NELL1: variants seen among roughly 807,000 people sequenced by gnomAD.
The protein encoded by NELL1 is neural EGFL like 1, also known as protein kinase C-binding protein NELL1.
Under a neutral mutation model 107.4 loss-of-function variants are expected in NELL1, and 76 were observed. That is an observed-to-expected ratio of 0.71 (90% confidence interval 0.59 to 0.86). NELL1 has a LOEUF of 0.86. Among genes scored for constraint, NELL1 ranks in the 40% least tolerant of loss-of-function variants. NELL1 has a pLI of 0.00. For synonymous variants in NELL1, 353 were observed against 341.2 expected, an observed-to-expected ratio of 1.03 and a Z score of -0.38; for missense variants, 1,024 against 1,005.5, an observed-to-expected ratio of 1.02 and a Z score of -0.25.
At chr11:21,483,487 T>G (rs1854543015) in intron 15 of NELL1, among the ~76,000 whole-genome samples, 1 of 152,162 alleles carries the variant, frequency 6.6e-6, no homozygotes, top group Admixed American at 6.6e-5. Flanking sequence ...CCAATGATTT[T>G]AATATTGTCA....
chr11:21,080,706 A>T (rs970860328), intron 12 of NELL1, among the ~76,000 whole-genome samples: 3 of 152,124 alleles, frequency 2.0e-5, no homozygotes, highest in African/African-American at 7.2e-5. Context: ...ATAATCTTGT[A>T]AGTGGATTAC....
intron 18 of NELL1, 37 bp from the exon 19 acceptor site, chr11:21,573,148 G>T: frequency 6.6e-7 from 1 of 1,515,902 alleles, no homozygotes; most frequent in South Asian, 1.1e-5. Context: ...TTATGCATAG[G>T]AACAATAATG....
At chr11:21,454,377 C>A (rs998275395) in intron 15 of NELL1, among the ~76,000 whole-genome samples, 1 of 151,546 alleles carries the variant, frequency 6.6e-6, no homozygotes, top group Non-Finnish European at 1.5e-5. Context: ...TGAATAATGC[C>A]GCAATAAACA....
chr11:21,300,773 C>T (rs1305134186), intron 14 of NELL1, among the ~76,000 whole-genome samples: 1 of 151,986 alleles, frequency 6.6e-6, no homozygotes, highest in African/African-American at 2.4e-5. Flanking sequence ...AATTATTATA[C>T]TTTAAGCTCT....
intron 13 of NELL1, among the ~76,000 whole-genome samples, chr11:21,185,424 A>G (rs1856914714): frequency 6.7e-6 from 1 of 150,200 alleles, no homozygotes; most frequent in Non-Finnish European, 1.5e-5. Flanking sequence ...CCTCTCGAAT[A>G]GCTGGGATTA....
intron 14 of NELL1, among the ~76,000 whole-genome samples, chr11:21,338,910 T>G (rs1225536245): frequency 2.6e-5 from 4 of 152,194 alleles, no homozygotes; most frequent in Admixed American, 2.0e-4. Context: ...TGTATTTGGT[T>G]CTATGCATTT....
At chr11:20,905,657 G>A (rs1482187240) in intron 5 of NELL1, among the ~76,000 whole-genome samples, 2 of 152,098 alleles carry the variant, frequency 1.3e-5, no homozygotes, top group Non-Finnish European at 2.9e-5. Context: ...TTACTAGAGG[G>A]ATGCAAGAGA....
At chr11:21,076,001 A>G (rs1854126419) in intron 12 of NELL1, among the ~76,000 whole-genome samples, 3 of 152,196 alleles carry the variant, frequency 2.0e-5, no homozygotes, top group Admixed American at 1.3e-4. Context: ...ATTTTTATAA[A>G]CACATACAAA....
chr11:20,857,081 A>G (rs1848895281), intron 4 of NELL1, among the ~76,000 whole-genome samples: 2 of 152,200 alleles, frequency 1.3e-5, no homozygotes. Context: ...TGTAAAAGGT[A>G]TAACTGCCCT....
intron 3 of NELL1, among the ~76,000 whole-genome samples, chr11:20,817,428 G>A (rs975523820): frequency 6.6e-6 from 1 of 152,084 alleles, no homozygotes; most frequent in African/African-American, 2.4e-5. Context: ...TGTGCATAAA[G>A]GTGTTCATAA....
In NELL1 at chr11:21,180,112, G is replaced by A. The variant is rs188879827; in HGVS notation, c.1427-49220G>A. On this transcript the variant is annotated intron_variant, in intron 13 of 19. Coordinates refer to ENST00000357134, the MANE Select transcript of NELL1 (RefSeq NM_006157.5). ...CTCTGGATTTGCCCCCCATGCCATA[G>A]TTTGCAGACAAATTATTTAGGAGAC... is the stretch of plus-strand genomic sequence containing the variant. Among the ~76,000 whole-genome samples, 1,289 of 151,680 alleles carry A rather than the reference G, an allele frequency of 8.5e-3. 53 individuals are homozygous for A. The highest frequency in any genetic ancestry group is 0.03 in the African/African-American group (1,220 of 41,058).
chr11:20,973,561 G>C (rs1851544590), intron 12 of NELL1, among the ~76,000 whole-genome samples: 1 of 152,220 alleles, frequency 6.6e-6, no homozygotes, highest in Admixed American at 6.5e-5. Context: ...AGAAGAATGT[G>C]ATTCCATGGA....
At chr11:20,896,353 G>A (rs1217465938) in intron 5 of NELL1, among the ~76,000 whole-genome samples, 1 of 152,080 alleles carries the variant, frequency 6.6e-6, no homozygotes, top group East Asian at 1.9e-4. Context: ...ATATATACAT[G>A]CCACAATTTC....
At chr11:20,908,029 G>A (rs777187151) in intron 5 of NELL1, among the ~76,000 whole-genome samples, 1 of 152,196 alleles carries the variant, frequency 6.6e-6, no homozygotes, top group South Asian at 2.1e-4. Context: ...TCAGAATGGC[G>A]ATTATTAAAA....
chr11:21,206,452 G>A (rs539278816), intron 13 of NELL1, among the ~76,000 whole-genome samples: 1 of 152,156 alleles, frequency 6.6e-6, no homozygotes, highest in Non-Finnish European at 1.5e-5. Flanking sequence ...GGTTCTTGGT[G>A]TATACAAATT....
intron 5 of NELL1, among the ~76,000 whole-genome samples, chr11:20,908,028 C>T (rs1195530252): frequency 2.0e-5 from 3 of 151,936 alleles, no homozygotes; most frequent in Non-Finnish European, 4.4e-5. Context: ...GTCAGAATGG[C>T]GATTATTAAA....
intron 12 of NELL1, among the ~76,000 whole-genome samples, chr11:21,099,192 A>AACACACACAC (rs59848133): frequency 2.2e-4 from 31 of 141,862 alleles, no homozygotes; most frequent in African/African-American, 7.1e-4. Context: ...GACACTGAAC[A>AACACACACAC]ACACACACAC....
At chr11:21,557,677 T>G (rs1480309999) in intron 16 of NELL1, among the ~76,000 whole-genome samples, 2 of 151,984 alleles carry the variant, frequency 1.3e-5, no homozygotes, top group Non-Finnish European at 2.9e-5. Context: ...CTGTATTTTT[T>G]CTACTTTAAA....
chr11:21,475,643 A>G (rs1183310680), intron 15 of NELL1, among the ~76,000 whole-genome samples: 1 of 152,220 alleles, frequency 6.6e-6, no homozygotes, highest in East Asian at 1.9e-4. Context: ...GCAGATTTAC[A>G]GTGGATCTGG....
Sources: gnomAD v4.1 joint callset for allele counts (sites outside exome capture counted in the v4.1 genomes callset) on GRCh38, gnomAD v4.1.1 for gene constraint, MANE v1.5 for transcripts, NCBI Gene and HGNC (gene_info 2026-07-23, HGNC 2026-07-21) for gene names.